SMPDL3B: variants seen among roughly 807,000 people sequenced by gnomAD.
The protein encoded by SMPDL3B is acid sphingomyelinase-like phosphodiesterase 3b.
Under a neutral mutation model 37.9 loss-of-function variants are expected in SMPDL3B, and 31 were observed. That is an observed-to-expected ratio of 0.82 (90% CI 0.61 to 1.10). The LOEUF is 1.10. SMPDL3B is among the 50% of genes least tolerant of loss of function. The probability of loss-of-function intolerance (pLI) is 0.00; values close to 1 mark genes in which losing one functional copy is unlikely to be tolerated. For synonymous variants in SMPDL3B, 235 were observed against 242.6 expected, an observed-to-expected ratio of 0.97 and a Z score of 0.29; for missense variants, 525 against 597.8, an observed-to-expected ratio of 0.88 and a Z score of 1.27.
intron 1 of SMPDL3B, among the ~76,000 whole-genome samples, chr1:27,943,060 G>A (rs1557492715): frequency 2.6e-5 from 4 of 152,112 alleles, no homozygotes; most frequent in Admixed American, 2.0e-4. Flanking sequence ...TAAAAATGTG[G>A]GAATATGCTG....
chr1:27,954,454 CAT>C lies in SMPDL3B; in HGVS notation c.619_620del (p.Met207GlyfsTer36). 6.2e-7 allele frequency: 1 copy of C among 1,614,110 alleles called. No homozygotes were observed. The highest frequency in any genetic ancestry group is 8.5e-7 in the Non-Finnish European group (1 of 1,180,026). On this transcript the variant is annotated frameshift_variant, in exon 5 of 8. Transcript: ENST00000373894. LOFTEE classifies it high-confidence loss of function. The stretch of plus-strand genomic sequence containing the variant: ...ATACCAGCAATGCGCTGACAGCAGA[CAT>C]GGCGGACCCTGGCCAGCAGTTCCAG... ...YYTSNALTAD[M>X]ADPGQQFQWL... is the part of the protein sequence containing the mutation.
chr1:27,939,112 A>T (rs2090333939), intron 1 of SMPDL3B: 1 of 152,164 alleles, frequency 6.6e-6, no homozygotes, highest in Non-Finnish European at 1.5e-5. Context: ...GATGCATTTC[A>T]TAATGTTGTC....
chr1:27,941,036 T>C (rs752310571), intron 1 of SMPDL3B, among the ~76,000 whole-genome samples: 107 of 152,196 alleles, frequency 7.0e-4, no homozygotes, highest in Non-Finnish European at 1.1e-3. Flanking sequence ...CCAAAGCCCC[T>C]AGGCAAACAC....
chr1:27,949,435 T>C (rs1260062876), intron 3 of SMPDL3B, among the ~76,000 whole-genome samples: 2 of 152,198 alleles, frequency 1.3e-5, no homozygotes, highest in African/African-American at 4.8e-5. Context: ...TCCAGACTCA[T>C]GAGCCCTTCT....
chr1:27,950,723 TG>T (rs759609655), intron 3 of SMPDL3B, among the ~76,000 whole-genome samples: 152 of 152,246 alleles, frequency 1.0e-3, no homozygotes, highest in Non-Finnish European at 8.4e-4. Flanking sequence ...TCCACCCCCA[TG>T]GGTTCAAGTG....
intron 5 of SMPDL3B, 145 bp from the exon 6 acceptor site, chr1:27,955,539 G>T: frequency 1.3e-6 from 1 of 755,604 alleles, no homozygotes. Context: ...GAGAAAGTGG[G>T]ACATGGAATC....
intron 1 of SMPDL3B, among the ~76,000 whole-genome samples, chr1:27,940,385 G>A (rs1274677622): frequency 6.6e-6 from 1 of 152,204 alleles, no homozygotes; most frequent in Non-Finnish European, 1.5e-5. Flanking sequence ...CATGGTGAGA[G>A]GGGGCCTTGT....
rs1327193220 is a variant in SMPDL3B at position 27,945,224 on chromosome 1, C to A, written c.62-8C>A. 25 of 1,613,550 alleles carry A rather than the reference C, an allele frequency of 1.5e-5. No homozygotes were observed. The highest frequency in any genetic ancestry group is 2.1e-5 in the Non-Finnish European group (25 of 1,179,678). On this transcript the variant is annotated splice_polypyrimidine_tract_variant and splice_region_variant and intron_variant, in intron 1 of 7. Coordinates refer to ENST00000373894, the MANE Select transcript of SMPDL3B (RefSeq NM_014474.4). The surrounding 1 kb of genome is among the most constrained non-coding windows in gnomAD (Gnocchi z 4.0). The stretch of plus-strand genomic sequence containing the variant: ...CAGCTTTGAAGGAGGATGTTTTTTC[C>A]CCTGCAGGGAAGTTCTGGCACATCG...
intron 1 of SMPDL3B, chr1:27,941,586 C>G (rs1004954713): frequency 6.6e-6 from 1 of 152,432 alleles, no homozygotes; most frequent in Non-Finnish European, 1.5e-5. Context: ...GGTAAGTTCA[C>G]ATGTGATAGT....
chr1:27,955,924 A>C (rs766953393), intron 6 of SMPDL3B, 25 bp from the exon 7 acceptor site: 5 of 1,613,518 alleles, frequency 3.1e-6, no homozygotes, highest in Non-Finnish European at 4.2e-6. Context: ...AGACCCGCTC[A>C]GTCCTGCTGT....
At chr1:27,948,103 A>AC (rs1485477766) in intron 2 of SMPDL3B, among the ~76,000 whole-genome samples, 2 of 152,068 alleles carry the variant, frequency 1.3e-5, no homozygotes, top group Non-Finnish European at 2.9e-5. Context: ...TCTTGGCCCC[A>AC]CCACTTTCTA....
At chr1:27,951,175 C>A (rs534862111) in intron 3 of SMPDL3B, among the ~76,000 whole-genome samples, 1 of 152,280 alleles carries the variant, frequency 6.6e-6, no homozygotes, top group South Asian at 2.1e-4. Context: ...AAAGATGCAT[C>A]ATTATGTATA....
At position 27,945,898 on chromosome 1, in the gene SMPDL3B, A is replaced by G. The variant is rs1386883859; in HGVS notation, c.275+453A>G. On this transcript the variant is annotated intron_variant, in intron 2 of 7. Transcript: ENST00000373894. This position sits in a 1 kb window ranked among gnomAD's most constrained non-coding sequence, Gnocchi z 4.0. ...GCTGCTGGCCACCCCTGGGCTGCCC[A>G]GTGGTCCTGGATTTTCTCACCAGTC... Among the ~76,000 whole-genome samples, 1 of 152,090 alleles carries G rather than the reference A, an allele frequency of 6.6e-6. No individual in the cohort carries two copies. Among genetic ancestry groups the G allele is most frequent in the African/African-American group, 2.4e-5 (1 of 41,406 alleles).
chr1:27,946,504 G>A (rs561924031), intron 2 of SMPDL3B, among the ~76,000 whole-genome samples: 110 of 152,270 alleles, frequency 7.2e-4, no homozygotes, highest in Non-Finnish European at 1.2e-3. Context: ...AGGAGCTCAC[G>A]TTCTTGTGGG....
chr1:27,954,233 A>G, intron 4 of SMPDL3B, 121 bp from the exon 5 acceptor site: 2 of 952,886 alleles, frequency 2.1e-6, no homozygotes, highest in Admixed American at 4.7e-5. Context: ...TGTCCCACCC[A>G]TGGGAAAGAT....
intron 1 of SMPDL3B, among the ~76,000 whole-genome samples, chr1:27,943,542 C>G (rs1384435782): frequency 1.3e-5 from 2 of 152,094 alleles, no homozygotes; most frequent in African/African-American, 4.8e-5. Flanking sequence ...TTCTTGGGGC[C>G]AGTGATGTTG....
intron 7 of SMPDL3B, among the ~76,000 whole-genome samples, chr1:27,957,803 C>T (rs1280417761): frequency 2.6e-5 from 4 of 152,266 alleles, no homozygotes; most frequent in South Asian, 4.1e-4. Context: ...CACTCATAAG[C>T]TTTTTGATCT....
chr1:27,942,457 T>G (rs962543762), intron 1 of SMPDL3B: 3 of 415,384 alleles, frequency 7.2e-6, no homozygotes, highest in Admixed American at 6.4e-5. Context: ...ATTCCTTTAC[T>G]CTGGCTTGGG....
chr1:27,943,743 A>C (rs1255204549), intron 1 of SMPDL3B, among the ~76,000 whole-genome samples: 1 of 152,126 alleles, frequency 6.6e-6, no homozygotes, highest in Non-Finnish European at 1.5e-5. Context: ...TCACGCCTGT[A>C]ATGCCAGCAC....
Sources: allele counts gnomAD v4.1 joint callset (sites outside exome capture counted in the v4.1 genomes callset), GRCh38; gene constraint gnomAD v4.1.1; non-coding constraint Gnocchi (gnomAD v3.1); transcripts MANE v1.5; gene names NCBI Gene and HGNC (gene_info 2026-07-23, HGNC 2026-07-21).